Variants in RAB2A observed in about 807,000 individuals in gnomAD.
The protein encoded by RAB2A is RAB2A, member RAS oncogene family, also known as ras-related protein Rab-2A.
A neutral mutation model predicts 32.5 loss-of-function variants in RAB2A; 7 were observed. That is an observed-to-expected ratio of 0.22 (90% CI 0.12 to 0.40). RAB2A has a LOEUF of 0.40. Ranked by LOEUF, RAB2A falls within the 10% of genes least tolerant of loss-of-function variation. The pLI is 1.00. For missense variants in RAB2A, 108 were observed against 260.7 expected, an observed-to-expected ratio of 0.41 and a Z score of 4.03; for synonymous variants, 79 against 85.2, an observed-to-expected ratio of 0.93 and a Z score of 0.40.
chr8:60,532,549 TC>T (rs1807493154), intron 1 of RAB2A, among the ~76,000 whole-genome samples: 1 of 152,070 alleles, frequency 6.6e-6, no homozygotes, highest in Admixed American at 6.6e-5. Context: ...CTTGCTCTGT[TC>T]CCCAGGGTGG....
At chr8:60,614,331 C>T (rs996003783) in intron 6 of RAB2A, among the ~76,000 whole-genome samples, 1 of 151,924 alleles carries the variant, frequency 6.6e-6, no homozygotes, top group Non-Finnish European at 1.5e-5. Flanking sequence ...TTATTCCTAC[C>T]TAAATAGTTC....
At chr8:60,603,898 A>AAAAGAAGAGAAGAAAGG (rs1804179540) in intron 6 of RAB2A, among the ~76,000 whole-genome samples, 1 of 152,182 alleles carries the variant, frequency 6.6e-6, no homozygotes, top group African/African-American at 2.4e-5. Context: ...GAGAAGAAAG[A>AAAAGAAGAGAAGAAAGG]AAAGAAAAGA....
rs1178336350 is a variant in RAB2A, at chr8:60,620,641, T to C, written c.544-33T>C. On this transcript the variant is annotated intron_variant, in intron 7 of 7. Transcript: ENST00000262646. ...GAATTAGTTAAACTATATTGTCTGG[T>C]CATATTTATTGTTCTGTTCTCTTTT... The C allele has an allele frequency of 2.8e-6, 4 of 1,432,126 alleles. No homozygotes were observed. The South Asian group carries it at 3.4e-5, about 12-fold the overall frequency. 88.7% of individuals were successfully genotyped at this position (1,432,126 alleles called of 1,614,324 possible). A position where few individuals can be genotyped will look rare whatever the true frequency, so the allele number is the denominator to read the frequency against.
In RAB2A at chr8:60,517,089, AGCG is replaced by A. The variant is rs1030971753; in HGVS notation, c.-108_-106del. The A allele has an allele frequency of 1.0e-4, 111 of 1,079,364 alleles. No homozygotes were observed. Among genetic ancestry groups the A allele is most frequent in the South Asian group, 1.5e-4 (8 of 51,970 alleles). The allele number at this position is 1,079,364 out of a possible 1,614,324, so 66.9% of individuals were successfully genotyped here. ...CTCACTCCCGGCGGCTGACAGCAGC[AGCG>A]GCGGCGGCGGGCGGCGCCTGGCGTT... is the stretch of plus-strand genomic sequence containing the variant. On this transcript the variant is annotated 5_prime_UTR_variant, in exon 1 of 8. Transcript: ENST00000262646.
intron 1 of RAB2A, among the ~76,000 whole-genome samples, chr8:60,558,242 A>C (rs576669717): frequency 1.3e-5 from 2 of 152,340 alleles, no homozygotes; most frequent in East Asian, 3.8e-4. Flanking sequence ...TTCAGTATCC[A>C]ATTTTCCTTA....
intron 1 of RAB2A, among the ~76,000 whole-genome samples, chr8:60,545,308 T>A (rs998650037): frequency 3.9e-5 from 6 of 152,288 alleles, no homozygotes; most frequent in African/African-American, 1.2e-4. Context: ...GCCTTTTTTT[T>A]AATTTTTATT....
At chr8:60,619,014 A>G (rs1804490915) in intron 7 of RAB2A, 1 of 152,316 alleles carries the variant, frequency 6.6e-6, no homozygotes, top group East Asian at 1.9e-4. Context: ...ATGTTCTGGT[A>G]TATAAATGCA....
rs979111461 is a variant in RAB2A, at chr8:60,584,308, T to G, written c.269+18T>G. On this transcript the variant is annotated intron_variant, in intron 4 of 7. Coordinates refer to ENST00000262646, the MANE Select transcript of RAB2A (RefSeq NM_002865.3). ...ATTACACGGTGAGAACTTGAAAACT[T>G]TGCAATTCAGTAGTTGATACAGAGA... 1.3e-6 allele frequency: 2 copies of G among 1,558,596 alleles called. No homozygotes were observed. Among genetic ancestry groups the G allele is most frequent in the Non-Finnish European group, 1.8e-6 (2 of 1,129,848 alleles).
At chr8:60,601,986 C>G (rs1804141911) in intron 6 of RAB2A, among the ~76,000 whole-genome samples, 1 of 152,058 alleles carries the variant, frequency 6.6e-6, no homozygotes, top group Admixed American at 6.5e-5. Flanking sequence ...TCAAGTGATC[C>G]TCCTGCTTAA....
chr8:60,599,062 A>G (rs1394629198), intron 6 of RAB2A, among the ~76,000 whole-genome samples: 1 of 151,966 alleles, frequency 6.6e-6, no homozygotes, highest in Non-Finnish European at 1.5e-5. Context: ...ATTTGCAACA[A>G]AAAAAAGTGA....
At chr8:60,556,971 A>T (rs907998243) in intron 1 of RAB2A, among the ~76,000 whole-genome samples, 2 of 152,192 alleles carry the variant, frequency 1.3e-5, no homozygotes, top group Non-Finnish European at 2.9e-5. Context: ...CTTTTAAAAG[A>T]TCATTTTTCT....
chr8:60,533,842 T>C (rs187574862), intron 1 of RAB2A, among the ~76,000 whole-genome samples: 2 of 152,104 alleles, frequency 1.3e-5, no homozygotes, highest in African/African-American at 4.8e-5. Flanking sequence ...TGGTGGTGGG[T>C]GCCTGTAATC....
intron 1 of RAB2A, among the ~76,000 whole-genome samples, chr8:60,527,678 G>A (rs1426536540): frequency 6.6e-6 from 1 of 152,070 alleles, no homozygotes; most frequent in African/African-American, 2.4e-5. Flanking sequence ...ACTGAATTTA[G>A]CACTAACCAG....
rs547664403 is a variant in RAB2A at position 60,596,135 on chromosome 8, A to G, written c.474+4166A>G. ...AAGAAGTCTCTTCCTTATACGTTAT[A>G]CAAAAATTAACTCAAGATGGATTAG... On this transcript the variant is annotated intron_variant, in intron 6 of 7. Transcript: ENST00000262646. Among the ~76,000 whole-genome samples, 25 of 152,372 alleles carry G rather than the reference A, an allele frequency of 1.6e-4. No homozygotes were observed. In the East Asian group the frequency reaches 4.6e-3, roughly 28 times the overall value.
chr8:60,588,307 C>T (rs980127988), intron 5 of RAB2A, among the ~76,000 whole-genome samples: 4 of 152,076 alleles, frequency 2.6e-5, no homozygotes, highest in African/African-American at 9.7e-5. Context: ...AAGCACACAT[C>T]TATATTTCCT....
intron 1 of RAB2A, 125 bp downstream of exon 1, chr8:60,517,378 T>A: frequency 1.1e-6 from 1 of 928,968 alleles, no homozygotes; most frequent in Non-Finnish European, 1.5e-6. Flanking sequence ...GCCGCGCCGC[T>A]CCATTTCCGC....
chr8:60,586,559 A>G (rs1465373095), intron 5 of RAB2A, among the ~76,000 whole-genome samples: 1 of 152,144 alleles, frequency 6.6e-6, no homozygotes, highest in Non-Finnish European at 1.5e-5. Flanking sequence ...AAATAAATGA[A>G]GAGATATAAC....
chr8:60,517,333 C>G (rs748674765), intron 1 of RAB2A, 80 bp downstream of exon 1: 18 of 1,282,406 alleles, frequency 1.4e-5, no homozygotes, highest in Non-Finnish European at 1.6e-5. Context: ...CTGGCGGTGG[C>G]GGGGACGCGG....
intron 1 of RAB2A, chr8:60,552,124 C>T (rs569945370): frequency 0.48 from 2,107 of 4,396 alleles, 28 homozygotes; most frequent in Admixed American, 0.49. Flanking sequence ...CTGCCTCAGC[C>T]TCCTAGTAAC....
Sources: allele counts gnomAD v4.1 joint callset (sites outside exome capture counted in the v4.1 genomes callset), GRCh38; gene constraint gnomAD v4.1.1; transcripts MANE v1.5; gene names NCBI Gene and HGNC (gene_info 2026-07-23, HGNC 2026-07-21).